Variants in TMEM132C observed in about 807,000 individuals in gnomAD.
TMEM132C encodes protein phosphatase 1, regulatory subunit 152.
In TMEM132C, 29 loss-of-function variants were observed where a neutral mutation model predicts 61.4. That is an observed-to-expected ratio of 0.47 (90% CI 0.35 to 0.64). The LOEUF (loss-of-function observed/expected upper bound fraction) is 0.64, where lower values mean the gene tolerates loss of function less well. TMEM132C is among the 30% of genes least tolerant of loss of function. The pLI is 0.00. For missense variants in TMEM132C, 1,408 were observed against 1,476.9 expected (o/e 0.95, Z 0.76); for synonymous variants, 656 against 633.1 (o/e 1.04, Z -0.54).
At chr12:128,431,984 TC>T (rs1257784729) in intron 2 of TMEM132C, among the ~76,000 whole-genome samples, 2 of 152,292 alleles carry the variant, frequency 1.3e-5, no homozygotes, top group East Asian at 3.9e-4. Flanking sequence ...AGAATTATGC[TC>T]AATCTGCTCT....
At chr12:128,629,195 T>C (rs1219389352) in intron 4 of TMEM132C, among the ~76,000 whole-genome samples, 1 of 152,176 alleles carries the variant, frequency 6.6e-6, no homozygotes, top group Non-Finnish European at 1.5e-5. Context: ...TGGCCCTTTG[T>C]TCAGCCTTTG....
intron 1 of TMEM132C, among the ~76,000 whole-genome samples, chr12:128,354,248 G>A (rs1047402081): frequency 6.6e-6 from 1 of 152,090 alleles, no homozygotes; most frequent in African/African-American, 2.4e-5. Flanking sequence ...AGAAGCTGAT[G>A]ACCCTGTACC....
intron 2 of TMEM132C, among the ~76,000 whole-genome samples, chr12:128,420,613 C>G (rs1868954874): frequency 6.6e-6 from 1 of 152,116 alleles, no homozygotes; most frequent in African/African-American, 2.4e-5. Context: ...TTATGTATTG[C>G]AGTAATCTAG....
chr12:128,267,577 T>C (rs1267052911), intron 1 of TMEM132C, 90 bp downstream of exon 1: 2 of 1,015,878 alleles, frequency 2.0e-6, no homozygotes, highest in African/African-American at 3.5e-5. Flanking sequence ...AAGCGAGGGG[T>C]GCGGCGGGGG....
chr12:128,518,627 AG>A (rs1349753378), intron 2 of TMEM132C, among the ~76,000 whole-genome samples: 1 of 152,252 alleles, frequency 6.6e-6, no homozygotes, highest in Non-Finnish European at 1.5e-5. Context: ...AATTTTTAAA[AG>A]CATTCCATAT....
In TMEM132C at chr12:128,665,226, T is replaced by TAC. The variant is rs538869393; in HGVS notation, c.1306-4185_1306-4184dup. Among the ~76,000 whole-genome samples, 676 of 115,616 alleles carry TAC rather than the reference T, an allele frequency of 5.8e-3. 18 individuals carry two copies. Among genetic ancestry groups the TAC allele is most frequent in the East Asian group, 2.5e-3 (9 of 3,594 alleles). 75.8% of individuals were successfully genotyped at this position (115,616 alleles called of 152,430 possible). A position where few individuals can be genotyped will look rare whatever the true frequency, so the allele number is the denominator to read the frequency against. The stretch of plus-strand genomic sequence containing the variant: ...ATATGTAAACAGACACTCATACCTA[T>TAC]ACACACAGGCTCGCACACACATAGG... On this transcript the variant is annotated intron_variant, in intron 4 of 8. Transcript: ENST00000435159.
intron 1 of TMEM132C, among the ~76,000 whole-genome samples, chr12:128,282,466 G>T (rs1340813473): frequency 2.0e-5 from 3 of 152,192 alleles, no homozygotes; most frequent in Non-Finnish European, 2.9e-5. Flanking sequence ...AAAAGGAAAA[G>T]TGTCCCTTAT....
At chr12:128,509,636 A>G (rs1872507594) in intron 2 of TMEM132C, among the ~76,000 whole-genome samples, 1 of 152,166 alleles carries the variant, frequency 6.6e-6, no homozygotes, top group South Asian at 2.1e-4. Context: ...CTGAGAACTC[A>G]GTCATTTTAT....
At chr12:128,473,391 CATCTTCATTT>C (rs1871037336) in intron 2 of TMEM132C, among the ~76,000 whole-genome samples, 3 of 71,428 alleles carry the variant, frequency 4.2e-5, no homozygotes, top group East Asian at 3.7e-4. Flanking sequence ...CTCGAGCCTC[CATCTTCATTT>C]TCACTCCAGC....
chr12:128,333,740 G>A lies in TMEM132C; in HGVS notation c.85+66253G>A, dbSNP rs192021095. The stretch of plus-strand genomic sequence containing the variant: ...TATGAGAGTGTGTGGTTTGTGTGTG[G>A]TGTGTGTGCTGTATATTTGAGAGTT... On this transcript the variant is annotated intron_variant, in intron 1 of 8. Coordinates refer to ENST00000435159, the MANE Select transcript of TMEM132C (RefSeq NM_001136103.3). Among the ~76,000 whole-genome samples the A allele has an allele frequency of 2.3e-3, 354 of 151,252 alleles. 3 individuals carry two copies. Among genetic ancestry groups the A allele is most frequent in the Middle Eastern group, 0.01 (3 of 292 alleles).
At chr12:128,456,238 C>T (rs941132633) in intron 2 of TMEM132C, among the ~76,000 whole-genome samples, 4 of 152,014 alleles carry the variant, frequency 2.6e-5, no homozygotes, top group Non-Finnish European at 5.9e-5. Flanking sequence ...AATCTGAGAC[C>T]CGATGCAGTC....
intron 2 of TMEM132C, among the ~76,000 whole-genome samples, chr12:128,529,763 G>A (rs149416996): frequency 0.07 from 10,721 of 152,230 alleles, 1,012 homozygotes; most frequent in African/African-American, 0.22. Flanking sequence ...TCCAGCCTGG[G>A]TGACAGAGCA....
At chr12:128,449,208 G>A (rs946489939) in intron 2 of TMEM132C, among the ~76,000 whole-genome samples, 22 of 151,320 alleles carry the variant, frequency 1.5e-4, no homozygotes, top group Admixed American at 4.0e-4. Context: ...AAAAATCAGA[G>A]GGTCTGAAAA....
chr12:128,319,204 A>T (rs966584534), intron 1 of TMEM132C, among the ~76,000 whole-genome samples: 1 of 152,226 alleles, frequency 6.6e-6, no homozygotes, highest in South Asian at 2.1e-4. Context: ...TAGAGAAGGA[A>T]TTACAAGAAA....
chr12:128,473,310 T>G (rs796906563), intron 2 of TMEM132C, among the ~76,000 whole-genome samples: 164 of 12,928 alleles, frequency 0.013, no homozygotes, highest in Non-Finnish European at 0.015. Context: ...TCATCTTCAC[T>G]CCAGCCTCTA....
At chr12:128,432,223 C>T (rs1869416776) in intron 2 of TMEM132C, among the ~76,000 whole-genome samples, 1 of 152,176 alleles carries the variant, frequency 6.6e-6, no homozygotes, top group Non-Finnish European at 1.5e-5. Flanking sequence ...CCATTGCTAA[C>T]ACAACATCCA....
intron 2 of TMEM132C, among the ~76,000 whole-genome samples, chr12:128,425,662 C>T (rs994919940): frequency 1.3e-5 from 2 of 152,216 alleles, no homozygotes; most frequent in Non-Finnish European, 2.9e-5. Context: ...CAAGGCCATG[C>T]TCCCTCCGAA....
intron 1 of TMEM132C, among the ~76,000 whole-genome samples, chr12:128,359,829 G>A (rs552713728): frequency 3.2e-4 from 49 of 152,236 alleles, no homozygotes; most frequent in Non-Finnish European, 5.0e-4. Flanking sequence ...CCTGATTGGC[G>A]CTAATTTAAA....
At chr12:128,661,258 C>T (rs1340592049) in intron 4 of TMEM132C, among the ~76,000 whole-genome samples, 1 of 152,102 alleles carries the variant, frequency 6.6e-6, no homozygotes, top group Non-Finnish European at 1.5e-5. Context: ...TCAGGCCCAC[C>T]CAGATTATGC....
Sources: allele counts gnomAD v4.1 joint callset (sites outside exome capture counted in the v4.1 genomes callset), GRCh38; gene constraint gnomAD v4.1.1; transcripts MANE v1.5; gene names NCBI Gene and HGNC (gene_info 2026-07-23, HGNC 2026-07-21).